The following TMPRSS6 variants were observed in gnomAD, a reference collection of about 807,000 sequenced individuals.
The protein encoded by TMPRSS6 is transmembrane protease serine 6.
Under a neutral mutation model 101.5 loss-of-function variants are expected in TMPRSS6, and 67 were observed. That is an observed-to-expected ratio of 0.66 (90% CI 0.54 to 0.81). TMPRSS6 has a LOEUF of 0.81. TMPRSS6 is among the 30% of genes least tolerant of loss of function. The pLI, the probability that TMPRSS6 is intolerant of heterozygous loss-of-function variation, is 0.00. For missense variants in TMPRSS6, 1,034 were observed against 1,088.7 expected (o/e 0.95, Z 0.71); for synonymous variants, 453 against 464.9 (o/e 0.97, Z 0.33).
In TMPRSS6 at chr22:37,066,107, G is replaced by C. The variant is rs1393579148; in HGVS notation, c.2382C>G (p.Ile794Met). 1 of 1,613,594 alleles carries C rather than the reference G, an allele frequency of 6.2e-7. No individual in the cohort carries two copies. The highest frequency in any genetic ancestry group is 1.3e-5 in the African/African-American group (1 of 75,054). Residue 794 changes from isoleucine to methionine, a missense_variant, in exon 18 of 18, where the codon ATC becomes ATG. Ile to Met is a conservative substitution (Grantham distance 10, BLOSUM62 1). Coordinates refer to ENST00000676104, the MANE Select transcript of TMPRSS6 (RefSeq NM_001374504.1). ...FGVYTRITGV[I>M]SWIQQVVT Reference sequence around the variant, plus strand: ...AGGTCACCACTTGCTGGATCCAGCTGATCACACCTGTGATGCGGGTGTAGA... The same window carrying C: ...AGGTCACCACTTGCTGGATCCAGCTCATCACACCTGTGATGCGGGTGTAGA...
At chr22:37,078,512 G>A (rs1018827389) in intron 10 of TMPRSS6, among the ~76,000 whole-genome samples, 4 of 152,170 alleles carry the variant, frequency 2.6e-5, no homozygotes, top group African/African-American at 4.8e-5. Context: ...TGGAACAAGC[G>A]TCTGCTTAGA....
intron 10 of TMPRSS6, chr22:37,083,900 C>T (rs548871793): frequency 6.4e-5 from 30 of 468,432 alleles, no homozygotes; most frequent in African/African-American, 4.0e-4. Context: ...TCTGATGGTA[C>T]GCCTTGGGTT....
chr22:37,110,492 G>A (rs1930990459), upstream of TMPRSS6, among the ~76,000 whole-genome samples: 1 of 152,096 alleles, frequency 6.6e-6, no homozygotes, highest in African/African-American at 2.4e-5. Context: ...GACGGTAGCC[G>A]CTGGTCACCC....
intron 13 of TMPRSS6, among the ~76,000 whole-genome samples, chr22:37,072,827 G>GGATA (rs147611953): frequency 0.037 from 5,342 of 143,486 alleles, 429 homozygotes; most frequent in African/African-American, 0.13. Flanking sequence ...ATGGATGGAT[G>GGATA]GATAGACGGA....
intron 10 of TMPRSS6, among the ~76,000 whole-genome samples, chr22:37,078,987 A>AAGAAAGAAAGAAAGAAAG (rs1424564421): frequency 2.0e-5 from 3 of 148,722 alleles, no homozygotes; most frequent in African/African-American, 5.2e-5. Context: ...GAAAGAAAGA[A>AAGAAAGAAAGAAAGAAAG]AGAAAGAAAG....
At chr22:37,080,506 C>T (rs1480031722) in intron 10 of TMPRSS6, among the ~76,000 whole-genome samples, 1 of 152,268 alleles carries the variant, frequency 6.6e-6, no homozygotes, top group African/African-American at 2.4e-5. Flanking sequence ...CCTCTCATGT[C>T]TTTGCCACCC....
chr22:37,079,437 T>A (rs544143542), intron 10 of TMPRSS6, among the ~76,000 whole-genome samples: 13 of 137,008 alleles, frequency 9.5e-5, no homozygotes, highest in Non-Finnish European at 1.9e-4. Flanking sequence ...GATGGATGGA[T>A]GGAAGGGTGG....
At chr22:37,066,485 G>A (rs900706930) in intron 17 of TMPRSS6, among the ~76,000 whole-genome samples, 3 of 152,258 alleles carry the variant, frequency 2.0e-5, no homozygotes, top group East Asian at 1.9e-4. Context: ...CTCTGCCTCC[G>A]CCTCCCTTCT....
chr22:37,093,473 G>A (rs532798352), intron 6 of TMPRSS6, among the ~76,000 whole-genome samples: 1 of 132,426 alleles, frequency 7.6e-6, no homozygotes, highest in Admixed American at 9.0e-5. Flanking sequence ...CACAATCTCA[G>A]CTCACTGCAA....
intron 7 of TMPRSS6, among the ~76,000 whole-genome samples, chr22:37,088,083 C>T (rs1336463571): frequency 6.6e-6 from 1 of 152,130 alleles, no homozygotes; most frequent in Non-Finnish European, 1.5e-5. Context: ...CAGAGCTGGG[C>T]CTGGCAGTCA....
At chr22:37,080,962 G>C (rs558113563) in intron 10 of TMPRSS6, among the ~76,000 whole-genome samples, 1 of 152,256 alleles carries the variant, frequency 6.6e-6, no homozygotes, top group Non-Finnish European at 1.5e-5. Flanking sequence ...ATGTACGCAC[G>C]CACACAGACA....
chr22:37,070,623 T>C lies in TMPRSS6; in HGVS notation c.1702A>G (p.Ile568Val). ...TCGGAGGACACAGCTCCACCAACAA[T>C]GCGGCTGGAGGGGCCCTGGAGGCCA... ...DCGLQGPSSR[I>V]VGGAVSSEGE... Residue 568 changes from isoleucine (I) to valine (V), a missense_variant, in exon 15 of 18, where the codon ATT becomes GTT. By Grantham distance (29) the Ile-to-Val change is conservative. Coordinates refer to ENST00000676104, the MANE Select transcript of TMPRSS6 (RefSeq NM_001374504.1). 2 of 1,611,780 alleles carry C rather than the reference T, an allele frequency of 1.2e-6. No individual in the cohort carries two copies. Among genetic ancestry groups the C allele is most frequent in the Non-Finnish European group, 1.7e-6 (2 of 1,179,700 alleles).
At position 37,066,232 on chromosome 22, in the gene TMPRSS6, A is replaced by G. The variant is rs989136361; in HGVS notation, c.2257T>C (p.Ser753Pro). 21 of 1,610,882 alleles carry G rather than the reference A, an allele frequency of 1.3e-5. No homozygotes were observed. Among genetic ancestry groups the G allele is most frequent in the Non-Finnish European group, 1.8e-5 (21 of 1,178,696 alleles). Reference sequence around the variant, plus strand: ...GCCTTGCACACCAGCGGACCACCTGAGTCACCCTGAAAGGGGGAAAGGAGA... The same window carrying G: ...GCCTTGCACACCAGCGGACCACCTGGGTCACCCTGAAAGGGGGAAAGGAGA... ...KGKKDACQGDSGGPLVCKALS... is the reference protein window; with the variant it reads ...KGKKDACQGDPGGPLVCKALS... Residue 753 changes from serine (S) to proline (P), a missense_variant, in exon 18 of 18, where the codon TCA (serine) becomes CCA (proline). Coordinates refer to ENST00000676104, the MANE Select transcript of TMPRSS6 (RefSeq NM_001374504.1).
chr22:37,070,435 T>C (rs780396226), intron 15 of TMPRSS6, 49 bp downstream of exon 15: 11 of 1,610,590 alleles, frequency 6.8e-6, no homozygotes, highest in East Asian at 6.7e-5. Flanking sequence ...CACCGGGCCT[T>C]CCCTGCCCTT....
chr22:37,084,967 T>C, intron 8 of TMPRSS6, 128 bp from the exon 9 acceptor site: 1 of 723,092 alleles, frequency 1.4e-6, no homozygotes, highest in Non-Finnish European at 2.5e-6. Flanking sequence ...TGTGATTGTG[T>C]GAATCTGGGT....
intron 7 of TMPRSS6, among the ~76,000 whole-genome samples, chr22:37,088,357 C>A (rs745991834): frequency 1.3e-5 from 2 of 152,160 alleles, no homozygotes; most frequent in African/African-American, 4.8e-5. Flanking sequence ...TCAAAGACTG[C>A]GCTTGATCTG....
At chr22:37,081,212 G>C (rs970230120) in intron 10 of TMPRSS6, among the ~76,000 whole-genome samples, 2 of 152,244 alleles carry the variant, frequency 1.3e-5, no homozygotes, top group Non-Finnish European at 2.9e-5. Flanking sequence ...ATGAACGCAG[G>C]TTTGTTGCAC....
At chr22:37,093,963 C>T (rs1929505932) in intron 6 of TMPRSS6, among the ~76,000 whole-genome samples, 1 of 152,090 alleles carries the variant, frequency 6.6e-6, no homozygotes, top group African/African-American at 2.4e-5. Context: ...GTGGAGGTTG[C>T]AATGAGCCAA....
In TMPRSS6 at chr22:37,070,969, G is replaced by A. The variant is rs201244227; in HGVS notation, c.1619C>T (p.Pro540Leu). Residue 540 changes from proline (P) to leucine (L), a missense_variant, in exon 14 of 18, where the codon CCG becomes CTG. Coordinates refer to ENST00000676104, the MANE Select transcript of TMPRSS6 (RefSeq NM_001374504.1). Reference protein sequence around the residue: ...EDRSCVKKPNPQCDGRPDCRD... With the variant: ...EDRSCVKKPNLQCDGRPDCRD... ...GCAGTCGGGCCGCCCATCACACTGC[G>A]GGTTGGGCTTCTTCACGCAGCTCCG... is the stretch of plus-strand genomic sequence containing the variant. 45 of 1,613,366 alleles carry A rather than the reference G, an allele frequency of 2.8e-5. No individual in the cohort carries two copies. Among genetic ancestry groups the A allele is most frequent in the African/African-American group, 2.5e-4 (19 of 75,010 alleles).
Sources: allele counts gnomAD v4.1 joint callset (sites outside exome capture counted in the v4.1 genomes callset), GRCh38; gene constraint gnomAD v4.1.1; transcripts MANE v1.5; gene names NCBI Gene and HGNC (gene_info 2026-07-23, HGNC 2026-07-21).